NEB: variants seen among roughly 807,000 people sequenced by gnomAD.
NEB encodes the protein nebulin.
NEB carries 512 observed loss-of-function variants against 952.2 expected under a neutral mutation model. That is an observed-to-expected ratio of 0.54 (90% CI 0.50 to 0.58). NEB has a LOEUF of 0.58. Ranked by LOEUF, NEB falls within the 20% of genes least tolerant of loss-of-function variation. The pLI, the probability that NEB is intolerant of heterozygous loss-of-function variation, is 0.00. For synonymous variants in NEB, 2,900 were observed against 3,149.8 expected, an observed-to-expected ratio of 0.92 and a Z score of 2.66; for missense variants, 8,428 against 9,231.1, an observed-to-expected ratio of 0.91 and a Z score of 3.56.
chr2:151,558,695 G>A (rs1018604009), intron 124 of NEB, among the ~76,000 whole-genome samples: 7 of 152,148 alleles, frequency 4.6e-5, no homozygotes, highest in South Asian at 2.1e-4. Flanking sequence ...AACAAGCGAT[G>A]GGGAGAAGAC....
At chr2:151,662,764 T>C (rs1227667528) in intron 45 of NEB, among the ~76,000 whole-genome samples, 1 of 152,224 alleles carries the variant, frequency 6.6e-6, no homozygotes, top group Non-Finnish European at 1.5e-5. Flanking sequence ...TCTCTTTCAC[T>C]GTCTTTGATC....
intron 105 of NEB, among the ~76,000 whole-genome samples, 160 bp from the exon 106 acceptor site, chr2:151,576,514 ATATTTTTTTTTTTTTTTTTTTT>A (rs1177713864): frequency 7.6e-5 from 2 of 26,222 alleles, no homozygotes; most frequent in Non-Finnish European, 1.2e-4. Context: ...ATATATATAT[ATATTTTTTTTTTTTTTTTTTTT>A]TTTTTTTTTT....
Position 151,541,655 on chromosome 2 carries a change from C to T in NEB, c.20578-104G>A, listed in dbSNP as rs1043553701. On this transcript the variant is annotated intron_variant, in intron 135 of 181. Transcript: ENST00000397345. ...TACATAGAAAAGGCAGGAGCCCTCC[C>T]ACTGCAACGATTGCAGTTTCTTCCC... 2.7e-5 allele frequency: 22 copies of T among 820,888 alleles called. No individual in the cohort carries two copies. The African/African-American group carries it at 2.9e-4, about 11-fold the overall frequency. 50.9% of individuals were successfully genotyped at this position (820,888 alleles called of 1,614,324 possible). A position where few individuals can be genotyped will look rare whatever the true frequency, so the allele number is the denominator to read the frequency against.
At chr2:151,562,554 G>A in intron 120 of NEB, 57 bp downstream of exon 120, 3 of 1,434,828 alleles carry the variant, frequency 2.1e-6, no homozygotes, top group East Asian at 4.7e-5. Flanking sequence ...TTGGGGGGTA[G>A]CCAAGACACA....
intron 153 of NEB, 32 bp downstream of exon 153, chr2:151,524,279 A>C: frequency 2.5e-6 from 4 of 1,569,166 alleles, no homozygotes; most frequent in Non-Finnish European, 3.5e-6. Context: ...ATCTCCTCAC[A>C]TGAGAGCCAC....
Position 151,682,670 on chromosome 2 carries a change from G to A in NEB, c.2935C>T (p.Leu979Phe). 6.2e-7 allele frequency: 1 copy of A among 1,611,618 alleles called. No individual in the cohort carries two copies. The highest frequency in any genetic ancestry group is 8.5e-7 in the Non-Finnish European group (1 of 1,178,416). ...ACACCCAGTGGCTTTACCTCATTGA[G>A]GATGTCTGAAGCTCGCTTTGCCTTT... ...MEKAKRASDI[L>F]NEKKYRQHPD... is the part of the protein sequence containing the mutation. Residue 979 changes from leucine to phenylalanine, a missense_variant, in exon 29 of 182, where the codon CTC (leucine) becomes TTC (phenylalanine). This residue lies in a region of NEB where 2,851 missense variants were observed against 2,791.5 expected (regional missense o/e 1.02). Transcript: ENST00000397345.
At chr2:151,513,824 A>C (rs981321862) in intron 159 of NEB, 131 bp from the exon 160 acceptor site, 17 of 673,346 alleles carry the variant, frequency 2.5e-5, no homozygotes, top group Non-Finnish European at 3.6e-5. Flanking sequence ...GCTACTCTTC[A>C]CCTTCGCTCT....
intron 138 of NEB, among the ~76,000 whole-genome samples, chr2:151,539,230 G>A (rs944201881): frequency 6.6e-6 from 1 of 152,140 alleles, no homozygotes; most frequent in Admixed American, 6.6e-5. Flanking sequence ...ATATTCAACA[G>A]TAACTTTGAA....
At chr2:151,574,265 C>T (rs914765582) in intron 107 of NEB, among the ~76,000 whole-genome samples, 4 of 152,172 alleles carry the variant, frequency 2.6e-5, no homozygotes, top group African/African-American at 7.2e-5. Flanking sequence ...TGAGCCATCG[C>T]GCCAGGCATG....
chr2:151,678,889 A>G (rs2099393925), intron 32 of NEB, among the ~76,000 whole-genome samples: 1 of 152,150 alleles, frequency 6.6e-6, no homozygotes, highest in African/African-American at 2.4e-5. Flanking sequence ...GAACGAGGAC[A>G]TTTGTTATTC....
At chr2:151,532,240 T>C (rs982309245) in intron 143 of NEB, 2 of 207,398 alleles carry the variant, frequency 9.6e-6, no homozygotes, top group South Asian at 8.4e-5. Flanking sequence ...ATATGTTTTA[T>C]ACACATGTAC....
At chr2:151,644,296 C>T (rs2098925478) in intron 56 of NEB, among the ~76,000 whole-genome samples, 167 bp from the exon 57 acceptor site, 1 of 152,136 alleles carries the variant, frequency 6.6e-6, no homozygotes, top group Admixed American at 6.5e-5. Flanking sequence ...TATGAAATTC[C>T]ATACATAATA....
intron 121 of NEB, 36 bp downstream of exon 121, chr2:151,562,074 C>A: frequency 1.3e-6 from 2 of 1,522,518 alleles, no homozygotes; most frequent in Non-Finnish European, 9.1e-7. Context: ...TTCTGATGAC[C>A]CATGGAGAAC....
Position 151,612,360 on chromosome 2 carries a change from C to CA in NEB, c.11630dup (p.Arg3878GlufsTer25). 6.2e-7 allele frequency: 1 copy of CA among 1,613,806 alleles called. No homozygotes were observed. Among genetic ancestry groups the CA allele is most frequent in the Non-Finnish European group, 8.5e-7 (1 of 1,179,804 alleles). ...CAATGGGAACCCATCCTATGCCTCT[C>CA]AGCCACTCAAGATCAGATTTGTAAA... On this transcript the variant is annotated frameshift_variant, in exon 78 of 182. Coordinates refer to ENST00000397345, the MANE Select transcript of NEB (RefSeq NM_001164508.2). LOFTEE classifies it high-confidence loss of function.
At chr2:151,540,629 G>T in intron 137 of NEB, 68 bp downstream of exon 137, 1 of 1,367,306 alleles carries the variant, frequency 7.3e-7, no homozygotes, top group Non-Finnish European at 1.0e-6. Context: ...ATCAGAGGTA[G>T]CAGGGGAAGG....
intron 52 of NEB, among the ~76,000 whole-genome samples, chr2:151,651,583 C>T (rs147296452): frequency 5.4e-4 from 82 of 152,250 alleles, no homozygotes; most frequent in African/African-American, 1.9e-3. Context: ...AGGAGCTCAA[C>T]ATACTGCCAA....
chr2:151,532,023 A>G lies in NEB; in HGVS notation c.21418-127T>C, dbSNP rs906628903. 2.3e-5 allele frequency: 14 copies of G among 620,426 alleles called. No homozygotes were observed. In the African/African-American group the frequency reaches 2.4e-4, roughly 11 times the overall value. 38.4% of individuals were successfully genotyped at this position (620,426 alleles called of 1,614,324 possible). On this transcript the variant is annotated intron_variant, in intron 143 of 181. Coordinates refer to ENST00000397345, the MANE Select transcript of NEB (RefSeq NM_001164508.2). ...CTTTCTCTTTAATTCCTAACTGGAA[A>G]TGTTTACTATAAATTTGTGTCTGAT... is the stretch of plus-strand genomic sequence containing the variant.
At position 151,526,075 on chromosome 2, in the gene NEB, G is replaced by GA; in HGVS notation, c.22051-8dup. 1 of 1,612,934 alleles carries GA rather than the reference G, an allele frequency of 6.2e-7. No individual in the cohort carries two copies. The highest frequency in any genetic ancestry group is 8.5e-7 in the Non-Finnish European group (1 of 1,178,910). ...CATGGTCCTTGTACTTGTTCTGGGG[G>GA]AATCCATAGAGAGCTCATTAAGGCA... On this transcript the variant is annotated splice_region_variant and splice_polypyrimidine_tract_variant and intron_variant, in intron 149 of 181. Transcript: ENST00000397345.
intron 63 of NEB, 141 bp from the exon 64 acceptor site, chr2:151,636,475 T>C (rs2098765235): frequency 2.8e-6 from 2 of 710,516 alleles, no homozygotes; most frequent in African/African-American, 1.8e-5. Flanking sequence ...TGCATGTTTG[T>C]TGAAGTGAAG....
Sources: allele counts gnomAD v4.1 joint callset (sites outside exome capture counted in the v4.1 genomes callset), GRCh38; gene constraint gnomAD v4.1.1; regional missense constraint gnomAD v4.1.1; transcripts MANE v1.5; gene names NCBI Gene and HGNC (gene_info 2026-07-23, HGNC 2026-07-21).